Variants in FGF14 observed in about 807,000 individuals in gnomAD.
The protein encoded by FGF14 is fibroblast growth factor 14, also known as fibroblast growth factor homologous factor 4.
In FGF14, 5 loss-of-function variants were observed where a neutral mutation model predicts 25.5. The observed-to-expected ratio is 0.20, with a 90% CI of 0.10 to 0.41. The LOEUF (loss-of-function observed/expected upper bound fraction) is 0.41, where lower values mean the gene tolerates loss of function less well. Among genes scored for constraint, FGF14 ranks in the 10% least tolerant of loss-of-function variants. The probability of loss-of-function intolerance (pLI) is 1.00; values close to 1 mark genes in which losing one functional copy is unlikely to be tolerated. For missense variants in FGF14, 222 were observed against 320.1 expected (o/e 0.69, Z 2.34); for synonymous variants, 138 against 118.3 (o/e 1.17, Z -1.08).
chr13:102,090,468 C>T (rs2044115724), intron 1 of FGF14, among the ~76,000 whole-genome samples: 1 of 150,792 alleles, frequency 6.6e-6, no homozygotes, highest in African/African-American at 2.4e-5. Context: ...GATGATATTA[C>T]TACCTGGAAA....
At chr13:102,350,839 T>A (rs924977139) in intron 1 of FGF14, among the ~76,000 whole-genome samples, 1 of 152,220 alleles carries the variant, frequency 6.6e-6, no homozygotes, top group East Asian at 1.9e-4. Context: ...CTCGAATGTC[T>A]ATTCATCTCC....
At chr13:102,118,556 G>A (rs1022974980) in intron 1 of FGF14, among the ~76,000 whole-genome samples, 4 of 152,026 alleles carry the variant, frequency 2.6e-5, no homozygotes, top group Non-Finnish European at 5.9e-5. Flanking sequence ...TATTGTGCCA[G>A]AAACCAAATA....
At chr13:102,349,018 T>C (rs1250063848) in intron 1 of FGF14, among the ~76,000 whole-genome samples, 1 of 152,154 alleles carries the variant, frequency 6.6e-6, no homozygotes, top group African/African-American at 2.4e-5. Flanking sequence ...CGAGAACATA[T>C]CACAAAGTGG....
chr13:101,837,468 C>G (rs2042981179), intron 3 of FGF14, among the ~76,000 whole-genome samples: 1 of 152,076 alleles, frequency 6.6e-6, no homozygotes, highest in African/African-American at 2.4e-5. Flanking sequence ...ACCTTACAAT[C>G]AAGCTTGTTG....
chr13:102,069,604 A>C (rs1246141144), intron 1 of FGF14, among the ~76,000 whole-genome samples: 1 of 151,820 alleles, frequency 6.6e-6, no homozygotes, highest in African/African-American at 2.4e-5. Context: ...AGGAACGAAC[A>C]ACTCCAGATG....
intron 3 of FGF14, among the ~76,000 whole-genome samples, chr13:101,837,759 C>G (rs548774209): frequency 6.6e-6 from 1 of 151,922 alleles, no homozygotes; most frequent in East Asian, 1.9e-4. Flanking sequence ...ATTGTCCTTG[C>G]GATGGTTAAT....
At chr13:102,074,324 T>C (rs11842337) in intron 1 of FGF14, among the ~76,000 whole-genome samples, 58,059 of 152,092 alleles carry the variant, frequency 0.38, 11,737 homozygotes, top group East Asian at 0.7. Flanking sequence ...GGCTATTCTT[T>C]ATGAGCTCCA....
At chr13:102,172,987 T>C (rs2048310001) in intron 1 of FGF14, among the ~76,000 whole-genome samples, 1 of 152,160 alleles carries the variant, frequency 6.6e-6, no homozygotes, top group African/African-American at 2.4e-5. Context: ...TCTGTTTGGC[T>C]GGCTGTGAAG....
At chr13:101,867,492 T>G (rs2044773877) in intron 3 of FGF14, among the ~76,000 whole-genome samples, 1 of 152,122 alleles carries the variant, frequency 6.6e-6, no homozygotes, top group Admixed American at 6.6e-5. Flanking sequence ...GCCCCTAAAA[T>G]ATTACTTGGG....
chr13:101,927,899 G>A (rs772475934), intron 1 of FGF14, among the ~76,000 whole-genome samples: 5 of 152,146 alleles, frequency 3.3e-5, no homozygotes, highest in Non-Finnish European at 5.9e-5. Context: ...GACTCAGACA[G>A]GAATAGTCCC....
chr13:102,086,485 G>C (rs180808190), intron 1 of FGF14, among the ~76,000 whole-genome samples: 2,183 of 152,106 alleles, frequency 0.014, 19 homozygotes, highest in Non-Finnish European at 0.022. Flanking sequence ...AGCCGAGATC[G>C]AGCCACTGCA....
chr13:101,790,060 T>C (rs998146751), intron 3 of FGF14, among the ~76,000 whole-genome samples: 87 of 151,912 alleles, frequency 5.7e-4, no homozygotes, highest in Non-Finnish European at 1.0e-3. Flanking sequence ...CTGGGTCCCA[T>C]CTCTATCATC....
At chr13:101,778,690 C>A (rs183711417) in intron 3 of FGF14, among the ~76,000 whole-genome samples, 29 of 152,228 alleles carry the variant, frequency 1.9e-4, no homozygotes, top group Non-Finnish European at 4.1e-4. Context: ...CTCCCCGTTT[C>A]TAAAAAGTGT....
intron 1 of FGF14, among the ~76,000 whole-genome samples, chr13:102,051,225 C>T (rs1324428148): frequency 2.0e-5 from 3 of 152,184 alleles, no homozygotes. Context: ...CCATAGAGAG[C>T]TAGGCCCCAC....
intron 1 of FGF14, among the ~76,000 whole-genome samples, chr13:102,163,596 A>G (rs2047873474): frequency 3.9e-5 from 6 of 152,170 alleles, no homozygotes; most frequent in Admixed American, 3.3e-4. Context: ...GGGGGTTCTC[A>G]GAGGTCACTT....
intron 1 of FGF14, among the ~76,000 whole-genome samples, chr13:102,147,770 A>C (rs2046913815): frequency 6.6e-6 from 1 of 152,142 alleles, no homozygotes; most frequent in Non-Finnish European, 1.5e-5. Context: ...AAAAAGCTGA[A>C]CTTGAGTTAA....
chr13:102,226,024 G>A (rs1333677708), intron 1 of FGF14, among the ~76,000 whole-genome samples: 1 of 152,150 alleles, frequency 6.6e-6, no homozygotes. Context: ...AGTTGACATC[G>A]ACATTGACAT....
At chr13:101,744,107 A>G (rs1447959646) in intron 3 of FGF14, among the ~76,000 whole-genome samples, 3 of 152,144 alleles carry the variant, frequency 2.0e-5, no homozygotes, top group Non-Finnish European at 4.4e-5. Context: ...AACATTTGCA[A>G]CCTTTGTATC....
intron 3 of FGF14, among the ~76,000 whole-genome samples, chr13:101,763,292 G>A (rs543687430): frequency 2.0e-5 from 3 of 152,122 alleles, no homozygotes; most frequent in Non-Finnish European, 2.9e-5. Context: ...GTAAGGCAAG[G>A]GGTGCTCTCT....
Sources: gnomAD v4.1 joint callset for allele counts (sites outside exome capture counted in the v4.1 genomes callset) on GRCh38, gnomAD v4.1.1 for gene constraint, MANE v1.5 for transcripts, NCBI Gene and HGNC (gene_info 2026-07-23, HGNC 2026-07-21) for gene names.